CSMD1: variants seen among roughly 807,000 people sequenced by gnomAD.
CSMD1 encodes the protein CUB and sushi domain-containing protein 1.
In CSMD1, 213 loss-of-function variants were observed where a neutral mutation model predicts 417.5. The observed-to-expected ratio is 0.51, with a 90% confidence interval of 0.46 to 0.57. CSMD1 has a LOEUF of 0.57. Among genes scored for constraint, CSMD1 ranks in the 20% least tolerant of loss-of-function variants. The probability of loss-of-function intolerance (pLI) is 0.00; values close to 1 mark genes in which losing one functional copy is unlikely to be tolerated. For missense variants in CSMD1, 6,923 were observed against 4,529.7 expected, an observed-to-expected ratio of 1.53 and a Z score of -15.17; for synonymous variants, 2,862 against 1,736.8, an observed-to-expected ratio of 1.65 and a Z score of -16.11.
intron 7 of CSMD1, among the ~76,000 whole-genome samples, chr8:3,645,375 C>A (rs1448425450): frequency 1.3e-5 from 2 of 152,164 alleles, no homozygotes; most frequent in South Asian, 2.1e-4. Context: ...CTGTGATTAG[C>A]CAGATTGGGG....
At chr8:3,839,240 T>C (rs1315139230) in intron 5 of CSMD1, among the ~76,000 whole-genome samples, 1 of 125,170 alleles carries the variant, frequency 8.0e-6, no homozygotes, top group Non-Finnish European at 1.6e-5. Context: ...TAATTATATA[T>C]ACTATTAATA....
At chr8:4,029,073 A>C (rs997331561) in intron 4 of CSMD1, among the ~76,000 whole-genome samples, 11 of 152,228 alleles carry the variant, frequency 7.2e-5, no homozygotes, top group African/African-American at 2.4e-4. Flanking sequence ...GTGTTGAAAG[A>C]GTTCTTAAAA....
intron 3 of CSMD1, among the ~76,000 whole-genome samples, chr8:4,102,743 G>C (rs1302429955): frequency 6.6e-6 from 1 of 152,194 alleles, no homozygotes; most frequent in Non-Finnish European, 1.5e-5. Context: ...ATTGGAAGCA[G>C]ATATTTTTGA....
At chr8:4,472,499 T>C (rs925929739) in intron 2 of CSMD1, among the ~76,000 whole-genome samples, 1 of 152,130 alleles carries the variant, frequency 6.6e-6, no homozygotes, top group South Asian at 2.1e-4. Flanking sequence ...ACCTTATTTA[T>C]GCTTTGTAAA....
intron 3 of CSMD1, among the ~76,000 whole-genome samples, chr8:4,122,392 A>C (rs1802534973): frequency 6.6e-6 from 1 of 152,220 alleles, no homozygotes; most frequent in African/African-American, 2.4e-5. Context: ...CAGGCTGTAC[A>C]CCAACATGAT....
intron 20 of CSMD1, among the ~76,000 whole-genome samples, chr8:3,366,214 T>A (rs1585058759): frequency 6.6e-6 from 1 of 152,164 alleles, no homozygotes; most frequent in Non-Finnish European, 1.5e-5. Flanking sequence ...TTGGCAGCTG[T>A]AGTGCAGCAG....
At chr8:4,200,334 G>C (rs1799574184) in intron 3 of CSMD1, among the ~76,000 whole-genome samples, 1 of 152,010 alleles carries the variant, frequency 6.6e-6, no homozygotes, top group Non-Finnish European at 1.5e-5. Flanking sequence ...GGTATGCTGT[G>C]TTTAGAGTCT....
intron 41 of CSMD1, among the ~76,000 whole-genome samples, chr8:3,131,782 A>G (rs1450195920): frequency 6.6e-6 from 1 of 152,150 alleles, no homozygotes; most frequent in Non-Finnish European, 1.5e-5. Context: ...TGCTAATACT[A>G]TTTTAATATT....
chr8:3,649,785 C>G (rs1481258057), intron 7 of CSMD1, among the ~76,000 whole-genome samples: 2 of 152,116 alleles, frequency 1.3e-5, no homozygotes, highest in East Asian at 3.9e-4. Context: ...ATCACTAATA[C>G]TAAATTGTGG....
At chr8:4,391,963 G>C (rs1279440088) in intron 3 of CSMD1, among the ~76,000 whole-genome samples, 1 of 152,186 alleles carries the variant, frequency 6.6e-6, no homozygotes, top group Non-Finnish European at 1.5e-5. Context: ...TGAGCAGAAA[G>C]CACATTAAAA....
chr8:4,723,801 C>G (rs73174096), intron 1 of CSMD1, among the ~76,000 whole-genome samples: 1 of 98,040 alleles, frequency 1.0e-5, no homozygotes, highest in Non-Finnish European at 2.2e-5. Flanking sequence ...AAAAAAAAAA[C>G]AAAAAAAAAA....
intron 5 of CSMD1, among the ~76,000 whole-genome samples, chr8:3,878,268 G>A (rs1805964127): frequency 6.6e-6 from 1 of 152,092 alleles, no homozygotes; most frequent in African/African-American, 2.4e-5. Context: ...CAATTTCCAG[G>A]AATGGGACTA....
chr8:3,377,354 T>A (rs1585075390), intron 18 of CSMD1, among the ~76,000 whole-genome samples: 1 of 152,188 alleles, frequency 6.6e-6, no homozygotes, highest in Non-Finnish European at 1.5e-5. Flanking sequence ...CTGAGAAACA[T>A]GTTCCAGTGC....
intron 49 of CSMD1, among the ~76,000 whole-genome samples, chr8:3,073,948 C>G (rs754699097): frequency 6.6e-6 from 1 of 152,098 alleles, no homozygotes; most frequent in Non-Finnish European, 1.5e-5. Context: ...ATAAATTATT[C>G]CACACATAGA....
intron 1 of CSMD1, among the ~76,000 whole-genome samples, chr8:4,889,791 G>A (rs928321976): frequency 6.6e-6 from 1 of 152,038 alleles, no homozygotes; most frequent in African/African-American, 2.4e-5. Context: ...AATAGTGAGG[G>A]CCTACTATGT....
intron 5 of CSMD1, among the ~76,000 whole-genome samples, chr8:3,948,073 G>T (rs546419329): frequency 5.3e-5 from 8 of 152,076 alleles, no homozygotes; most frequent in African/African-American, 1.7e-4. Flanking sequence ...GGGCATGGTG[G>T]CAAGTGCCTT....
chr8:4,147,246 C>T (rs528907809), intron 3 of CSMD1, among the ~76,000 whole-genome samples: 22 of 152,234 alleles, frequency 1.4e-4, no homozygotes, highest in African/African-American at 5.3e-4. Context: ...CTGCCTACCT[C>T]GAATCCTTCA....
At chr8:4,746,456 T>C (rs1029601165) in intron 1 of CSMD1, among the ~76,000 whole-genome samples, 8 of 152,206 alleles carry the variant, frequency 5.3e-5, no homozygotes, top group African/African-American at 1.4e-4. Context: ...CTCACCACAA[T>C]ATCAGGCTCC....
intron 1 of CSMD1, among the ~76,000 whole-genome samples, chr8:4,647,500 G>A (rs151043261): frequency 4.0e-5 from 6 of 149,614 alleles, no homozygotes; most frequent in Admixed American, 1.3e-4. Context: ...GGTTTGTTAC[G>A]TAGGTACGCG....
Sources: gnomAD v4.1 joint callset for allele counts (sites outside exome capture counted in the v4.1 genomes callset) on GRCh38, gnomAD v4.1.1 for gene constraint, MANE v1.5 for transcripts, NCBI Gene and HGNC (gene_info 2026-07-23, HGNC 2026-07-21) for gene names.